Variants in RBM33 observed in about 807,000 individuals in gnomAD.
RBM33 encodes RNA binding motif protein 33.
In RBM33, 28 loss-of-function variants were observed where a neutral mutation model predicts 132.6. The observed-to-expected ratio is 0.21, with a 90% confidence interval of 0.16 to 0.29. The LOEUF (loss-of-function observed/expected upper bound fraction) is 0.29. Among genes scored for constraint, RBM33 ranks in the 10% least tolerant of loss-of-function variants. The probability of loss-of-function intolerance (pLI) is 1.00; values close to 1 mark genes in which losing one functional copy is unlikely to be tolerated. For missense variants in RBM33, 1,291 were observed against 1,518.5 expected, an observed-to-expected ratio of 0.85 and a Z score of 2.49; for synonymous variants, 634 against 593.0, an observed-to-expected ratio of 1.07 and a Z score of -1.01.
chr7:155,659,981 C>G (rs1191153328), intron 1 of RBM33, among the ~76,000 whole-genome samples: 1 of 152,208 alleles, frequency 6.6e-6, no homozygotes, highest in Non-Finnish European at 1.5e-5. Context: ...CCAAATCTCC[C>G]TCTCCTTATG....
rs114916111 is a variant in RBM33 at position 155,653,625 on chromosome 7, T to G, written c.43+8706T>G. Reference sequence around the variant, plus strand: ...TGGTAATCACCATTAGTCAGTGATTTAATCATCAGGTTTAGGGAGCTTCTG... The same window carrying G: ...TGGTAATCACCATTAGTCAGTGATTGAATCATCAGGTTTAGGGAGCTTCTG... On this transcript the variant is annotated intron_variant, in intron 1 of 17. Coordinates refer to ENST00000401878, the MANE Select transcript of RBM33 (RefSeq NM_053043.3). Among the ~76,000 whole-genome samples, 1,281 of 152,310 alleles carry G rather than the reference T, an allele frequency of 8.4e-3. 27 individuals are homozygous for G. The highest frequency in any genetic ancestry group is 0.029 in the African/African-American group (1,207 of 41,558).
chr7:155,755,949 T>C (rs1346220532), intron 14 of RBM33, among the ~76,000 whole-genome samples: 1 of 152,138 alleles, frequency 6.6e-6, no homozygotes, highest in Admixed American at 6.5e-5. Context: ...TAAAAGATAA[T>C]CATTTGTGGG....
rs867279941 is a variant in RBM33 at position 155,673,661 on chromosome 7, C to G, written c.171+746C>G. On this transcript the variant is annotated intron_variant, in intron 3 of 17. Coordinates refer to ENST00000401878, the MANE Select transcript of RBM33 (RefSeq NM_053043.3). ...ACATACACACGTGTATATATACACA[C>G]ATATACATACACACGTGTATATATA... Among the ~76,000 whole-genome samples, 19 of 108,190 alleles carry G rather than the reference C, an allele frequency of 1.8e-4. No individual in the cohort carries two copies. In the East Asian group the frequency reaches 2.6e-3, roughly 15 times the overall value. 71.0% of individuals were successfully genotyped at this position (108,190 alleles called of 152,430 possible). A position where few individuals can be genotyped will look rare whatever the true frequency, so the allele number is the denominator to read the frequency against.
chr7:155,753,342 G>A (rs993882019), intron 14 of RBM33, among the ~76,000 whole-genome samples: 4 of 152,226 alleles, frequency 2.6e-5, no homozygotes, highest in African/African-American at 9.6e-5. Context: ...ATTGTGTTAA[G>A]TGGCAAATCT....
At chr7:155,693,988 C>G (rs888283650) in intron 5 of RBM33, among the ~76,000 whole-genome samples, 2 of 152,124 alleles carry the variant, frequency 1.3e-5, no homozygotes, top group Non-Finnish European at 2.9e-5. Context: ...GACTCCCTTT[C>G]CTAAATATCT....
At chr7:155,673,943 T>TTGTTTGTTTTTG (rs1563138289) in intron 3 of RBM33, among the ~76,000 whole-genome samples, 2 of 17,316 alleles carry the variant, frequency 1.2e-4, no homozygotes, top group African/African-American at 2.5e-4. Context: ...AGGCTTAGTT[T>TTGTTTGTTTTTG]TTTTTTTTTT....
In RBM33 at chr7:155,683,083, T is replaced by G. The variant is rs1347613315; in HGVS notation, c.567+2175T>G. ...AGTTGTAAAGTTTAAAGTTGAGCAG[T>G]AGTAGTTCAATGTCTTTCTGTGAGC... On this transcript the variant is annotated intron_variant, in intron 5 of 17. Transcript: ENST00000401878. 2.0e-5 allele frequency among the ~76,000 whole-genome samples: 3 copies of G among 152,302 alleles called. No homozygotes were observed. In the East Asian group the frequency reaches 5.8e-4, roughly 29 times the overall value.
chr7:155,720,752 T>C (rs1453836891), intron 9 of RBM33, among the ~76,000 whole-genome samples: 1 of 152,222 alleles, frequency 6.6e-6, no homozygotes, highest in Non-Finnish European at 1.5e-5. Flanking sequence ...TGGAGATTTC[T>C]TATTGGTGGC....
At chr7:155,664,873 C>T (rs978605681) in intron 1 of RBM33, among the ~76,000 whole-genome samples, 3 of 151,078 alleles carry the variant, frequency 2.0e-5, no homozygotes, top group Non-Finnish European at 4.4e-5. Context: ...TAAAAAAACA[C>T]TCAAAACCCA....
chr7:155,738,475 G>C, intron 11 of RBM33, 72 bp downstream of exon 11: 1 of 1,387,530 alleles, frequency 7.2e-7, no homozygotes, highest in Non-Finnish European at 9.8e-7. Context: ...TAAAGTTTCA[G>C]ATTTTTATTT....
Position 155,680,002 on chromosome 7 carries a change from A to G in RBM33, c.249-588A>G, listed in dbSNP as rs1291529625. 2.0e-5 allele frequency among the ~76,000 whole-genome samples: 3 copies of G among 152,200 alleles called. No individual in the cohort carries two copies. The South Asian group carries it at 6.2e-4, about 31-fold the overall frequency. Reference sequence around the variant, plus strand: ...GAAATTATGAACAATTTTTAAAGATATTTGTGACTAATATAAATTTATTTA... The same window carrying G: ...GAAATTATGAACAATTTTTAAAGATGTTTGTGACTAATATAAATTTATTTA... On this transcript the variant is annotated intron_variant, in intron 4 of 17. Coordinates refer to ENST00000401878, the MANE Select transcript of RBM33 (RefSeq NM_053043.3).
intron 6 of RBM33, among the ~76,000 whole-genome samples, chr7:155,704,540 C>T (rs1353214575): frequency 6.6e-6 from 1 of 152,096 alleles, no homozygotes; most frequent in Non-Finnish European, 1.5e-5. Context: ...ACCAGTGTCC[C>T]CCAATTGCCA....
chr7:155,766,911 C>T (rs1310209069), intron 16 of RBM33: 2 of 498,590 alleles, frequency 4.0e-6, no homozygotes, highest in East Asian at 7.5e-5. Context: ...CTTTGAGATC[C>T]TTTTAATTGT....
At chr7:155,716,144 G>A (rs116193160) in intron 8 of RBM33, among the ~76,000 whole-genome samples, 5,241 of 152,112 alleles carry the variant, frequency 0.034, 121 homozygotes, top group Non-Finnish European at 0.043. Flanking sequence ...TAAATTCTTC[G>A]CTGCAGTAGT....
chr7:155,769,621 G>A (rs1802346581), intron 16 of RBM33, among the ~76,000 whole-genome samples: 1 of 152,024 alleles, frequency 6.6e-6, no homozygotes. Flanking sequence ...GGATCATCTC[G>A]GCGTCTGACT....
intron 5 of RBM33, among the ~76,000 whole-genome samples, chr7:155,683,294 G>A (rs778879930): frequency 2.6e-5 from 4 of 152,132 alleles, no homozygotes; most frequent in African/African-American, 7.2e-5. Context: ...CTCTGTCTTC[G>A]GAGGCTGTCA....
chr7:155,730,206 A>G (rs1255633425), intron 9 of RBM33, among the ~76,000 whole-genome samples: 1 of 152,190 alleles, frequency 6.6e-6, no homozygotes, highest in African/African-American at 2.4e-5. Flanking sequence ...AGAGAAGTGG[A>G]AGTGGATTGG....
At chr7:155,753,690 C>G (rs2117050134) in intron 14 of RBM33, among the ~76,000 whole-genome samples, 1 of 152,276 alleles carries the variant, frequency 6.6e-6, no homozygotes, top group South Asian at 2.1e-4. Context: ...GGAAGGGAGA[C>G]TGAGTGTAAA....
chr7:155,725,179 AGTTG>A (rs1388317056), intron 9 of RBM33, among the ~76,000 whole-genome samples: 2 of 116,898 alleles, frequency 1.7e-5, no homozygotes, highest in Non-Finnish European at 3.8e-5. Flanking sequence ...TTCCTTTTTT[AGTTG>A]GTTCTTTCCT....
Sources: allele counts gnomAD v4.1 joint callset (sites outside exome capture counted in the v4.1 genomes callset), GRCh38; gene constraint gnomAD v4.1.1; transcripts MANE v1.5; gene names NCBI Gene and HGNC (gene_info 2026-07-23, HGNC 2026-07-21).